The following CAMKMT variants were observed in gnomAD, a reference collection of about 807,000 sequenced individuals.
CAMKMT encodes CaM KMT.
CAMKMT carries 53 observed loss-of-function variants against 48.0 expected under a neutral mutation model. The observed-to-expected ratio is 1.10, with a 90% confidence interval of 0.89 to 1.39. CAMKMT has a LOEUF of 1.39. Ranked by LOEUF, CAMKMT falls within the 40% of genes most tolerant of loss-of-function variation. The pLI is 0.00. For synonymous variants in CAMKMT, 165 were observed against 152.3 expected (o/e 1.08, Z -0.61); for missense variants, 428 against 402.7 (o/e 1.06, Z -0.54).
At chr2:44,460,224 C>T (rs1667778658) in intron 3 of CAMKMT, among the ~76,000 whole-genome samples, 1 of 152,094 alleles carries the variant, frequency 6.6e-6, no homozygotes, top group Non-Finnish European at 1.5e-5. Flanking sequence ...GCCATGGCTA[C>T]CTTCATTTTG....
At chr2:44,666,291 A>G (rs1477305259) in intron 3 of CAMKMT, among the ~76,000 whole-genome samples, 6 of 152,354 alleles carry the variant, frequency 3.9e-5, no homozygotes, top group Admixed American at 2.0e-4. Flanking sequence ...TAAAAAATAC[A>G]TACTGTTATA....
intron 3 of CAMKMT, chr2:44,549,609 G>T (rs1342428045): frequency 2.9e-6 from 2 of 682,902 alleles, no homozygotes; most frequent in East Asian, 2.7e-5. Context: ...TCATAACTCA[G>T]TGCAGCCTCA....
intron 3 of CAMKMT, among the ~76,000 whole-genome samples, chr2:44,451,662 TATTTC>T (rs1667293408): frequency 6.6e-6 from 1 of 152,012 alleles, no homozygotes; most frequent in Non-Finnish European, 1.5e-5. Flanking sequence ...TGCTATTCTT[TATTTC>T]ATTTATTCTT....
intron 3 of CAMKMT, among the ~76,000 whole-genome samples, chr2:44,585,357 C>G (rs1423636451): frequency 6.6e-6 from 1 of 152,154 alleles, no homozygotes; most frequent in Non-Finnish European, 1.5e-5. Context: ...AGCTGAACTT[C>G]AGAAAGGATT....
intron 3 of CAMKMT, among the ~76,000 whole-genome samples, chr2:44,493,183 C>G (rs970260431): frequency 6.6e-6 from 1 of 152,100 alleles, no homozygotes; most frequent in African/African-American, 2.4e-5. Flanking sequence ...GCATGAGCCA[C>G]TGCACCTGGC....
intron 3 of CAMKMT, among the ~76,000 whole-genome samples, chr2:44,535,468 A>G (rs1666723452): frequency 1.3e-5 from 2 of 152,338 alleles, no homozygotes; most frequent in South Asian, 4.1e-4. Flanking sequence ...TTTCTGATGA[A>G]CATAGGTGCA....
In CAMKMT at chr2:44,373,227, T is replaced by G. The variant is rs183177353; in HGVS notation, c.311+339T>G. On this transcript the variant is annotated intron_variant, in intron 2 of 10. Coordinates refer to ENST00000378494, the MANE Select transcript of CAMKMT (RefSeq NM_024766.5). ...AAGGGGCTGAAAGTGAAAACAGAAT[T>G]TTTCCAAACTACCCTTCAAGTAATA... Among the ~76,000 whole-genome samples the G allele has an allele frequency of 2.7e-3, 416 of 152,328 alleles. 1 individual carries two copies. Among genetic ancestry groups the G allele is most frequent in the African/African-American group, 9.4e-3 (389 of 41,584 alleles).
At chr2:44,583,721 A>G (rs903244681) in intron 3 of CAMKMT, among the ~76,000 whole-genome samples, 9 of 152,122 alleles carry the variant, frequency 5.9e-5, no homozygotes, top group Non-Finnish European at 8.8e-5. Flanking sequence ...GCTTGAGCCC[A>G]GAAGTTCAAG....
intron 3 of CAMKMT, among the ~76,000 whole-genome samples, chr2:44,650,027 A>C (rs1307640805): frequency 2.0e-5 from 3 of 152,164 alleles, no homozygotes. Context: ...GTTTGGTCTT[A>C]TTTTTATAGT....
intron 3 of CAMKMT, among the ~76,000 whole-genome samples, chr2:44,588,322 C>G (rs1440541565): frequency 3.4e-5 from 3 of 86,998 alleles, no homozygotes; most frequent in African/African-American, 1.3e-4. Context: ...GTCAGCCCCC[C>G]GCCCGGCCAG....
intron 3 of CAMKMT, among the ~76,000 whole-genome samples, chr2:44,661,374 G>A (rs541785764): frequency 3.7e-5 from 5 of 135,816 alleles, no homozygotes; most frequent in Admixed American, 2.5e-4. Flanking sequence ...GGAGTGCAGT[G>A]GCATGATCTC....
At chr2:44,564,803 G>T (rs911894269) in intron 3 of CAMKMT, among the ~76,000 whole-genome samples, 1 of 152,232 alleles carries the variant, frequency 6.6e-6, no homozygotes, top group Non-Finnish European at 1.5e-5. Context: ...GCCCCCCAAA[G>T]AACTGGGATT....
intron 3 of CAMKMT, among the ~76,000 whole-genome samples, chr2:44,654,800 C>T (rs1674284188): frequency 6.6e-6 from 1 of 152,162 alleles, no homozygotes; most frequent in Non-Finnish European, 1.5e-5. Flanking sequence ...CAGGCGTGAG[C>T]CACTGCGCCC....
In CAMKMT at chr2:44,752,256, G is replaced by A. The variant is rs193141619; in HGVS notation, c.699-1799G>A. 7.2e-4 allele frequency among the ~76,000 whole-genome samples: 108 copies of A among 149,512 alleles called. 1 individual carries two copies. The highest frequency in any genetic ancestry group is 2.4e-3 in the African/African-American group (97 of 40,914). ...ACTATGTTGGTGCAAAAGTAATTGC[G>A]GTTTTTGCCATTAAAGGTATGGCAT... On this transcript the variant is annotated intron_variant, in intron 8 of 10. Coordinates refer to ENST00000378494, the MANE Select transcript of CAMKMT (RefSeq NM_024766.5).
At chr2:44,607,543 A>G (rs1400223639) in intron 3 of CAMKMT, among the ~76,000 whole-genome samples, 1 of 152,182 alleles carries the variant, frequency 6.6e-6, no homozygotes, top group African/African-American at 2.4e-5. Context: ...TTTATTTTCA[A>G]TTCTACCTAT....
intron 3 of CAMKMT, among the ~76,000 whole-genome samples, chr2:44,400,364 G>C (rs1171831733): frequency 6.6e-6 from 1 of 151,880 alleles, no homozygotes; most frequent in Non-Finnish European, 1.5e-5. Context: ...AAAAAAAAAT[G>C]ATCTAATGGC....
At chr2:44,634,923 G>C (rs564074762) in intron 3 of CAMKMT, among the ~76,000 whole-genome samples, 43 of 152,020 alleles carry the variant, frequency 2.8e-4, no homozygotes, top group African/African-American at 9.4e-4. Context: ...AAATGTGTCT[G>C]TAGGGCTGGG....
At chr2:44,551,158 G>A (rs1241018777) in intron 3 of CAMKMT, among the ~76,000 whole-genome samples, 1 of 152,128 alleles carries the variant, frequency 6.6e-6, no homozygotes, top group African/African-American at 2.4e-5. Flanking sequence ...TAATGGGGCA[G>A]AAACCCACAT....
intron 3 of CAMKMT, among the ~76,000 whole-genome samples, chr2:44,477,154 A>G (rs1416963769): frequency 6.6e-6 from 1 of 152,242 alleles, no homozygotes; most frequent in African/African-American, 2.4e-5. Context: ...ACTATCTTTT[A>G]GAAAACACAC....
Sources: allele counts gnomAD v4.1 joint callset (sites outside exome capture counted in the v4.1 genomes callset), GRCh38; gene constraint gnomAD v4.1.1; transcripts MANE v1.5; gene names NCBI Gene and HGNC (gene_info 2026-07-23, HGNC 2026-07-21).